Variants in LRP6 observed in about 807,000 individuals in gnomAD.
The protein encoded by LRP6 is LDL receptor related protein 6, also known as low-density lipoprotein receptor-related protein 6.
Under a neutral mutation model 184.1 loss-of-function variants are expected in LRP6, and 43 were observed. That is an observed-to-expected ratio of 0.23 (90% CI 0.18 to 0.30). The LOEUF (loss-of-function observed/expected upper bound fraction) is 0.30. Among genes scored for constraint, LRP6 ranks in the 10% least tolerant of loss-of-function variants. LRP6 has a pLI of 1.00. For missense variants in LRP6, 1,571 were observed against 2,005.3 expected (o/e 0.78, Z 4.14); for synonymous variants, 719 against 684.9 (o/e 1.05, Z -0.78).
chr12:12,213,696 T>C (rs1318753991), intron 2 of LRP6, among the ~76,000 whole-genome samples: 3 of 152,146 alleles, frequency 2.0e-5, no homozygotes, highest in African/African-American at 7.2e-5. Flanking sequence ...AAACTGATTT[T>C]TTCTTTCCTA....
At chr12:12,171,790 T>C (rs1863053664) in intron 7 of LRP6, among the ~76,000 whole-genome samples, 1 of 152,220 alleles carries the variant, frequency 6.6e-6, no homozygotes, top group Non-Finnish European at 1.5e-5. Flanking sequence ...CTCCACTAAG[T>C]ATTTCTCTTG....
In LRP6 at chr12:12,150,826, T is replaced by G; in HGVS notation, c.2994+10A>C. On this transcript the variant is annotated intron_variant, in intron 13 of 22. Transcript: ENST00000261349. ...AGGAGAAATGAATTTTGAACCAAGC[T>G]CTCAATTACCTGGCTGCCATCTTCT... is the stretch of plus-strand genomic sequence containing the variant. 6.2e-7 allele frequency: 1 copy of G among 1,612,968 alleles called. No homozygotes were observed. The highest frequency in any genetic ancestry group is 2.2e-5 in the East Asian group (1 of 44,876).
At chr12:12,152,764 G>C (rs1443365973) in intron 12 of LRP6, among the ~76,000 whole-genome samples, 1 of 152,096 alleles carries the variant, frequency 6.6e-6, no homozygotes, top group Admixed American at 6.6e-5. Context: ...GCCAAGCCAC[G>C]ACTCCTTGCT....
intron 7 of LRP6, among the ~76,000 whole-genome samples, chr12:12,175,906 T>C (rs1328648442): frequency 6.6e-6 from 1 of 151,894 alleles, no homozygotes; most frequent in African/African-American, 2.4e-5. Context: ...ACATTCTTAA[T>C]TTTACACCAT....
intron 7 of LRP6, among the ~76,000 whole-genome samples, chr12:12,176,351 C>T (rs1244295149): frequency 6.6e-6 from 1 of 152,134 alleles, no homozygotes; most frequent in East Asian, 1.9e-4. Flanking sequence ...AGATAGGTGG[C>T]CACTATCACC....
rs112046270 is a variant in LRP6 at position 12,124,496 on chromosome 12, A to G, written c.4547+69T>C. ...GACCATCGTCTACTCATTTGGGGCT[A>G]TATCAGGTCCACAACTGAAACACTT... On this transcript the variant is annotated intron_variant, in intron 22 of 22. Coordinates refer to ENST00000261349, the MANE Select transcript of LRP6 (RefSeq NM_002336.3). 9.1e-4 allele frequency: 983 copies of G among 1,079,962 alleles called. 7 individuals carry two copies. In the African/African-American group the frequency reaches 0.014, roughly 15 times the overall value. 66.9% of individuals were successfully genotyped at this position (1,079,962 alleles called of 1,614,324 possible).
chr12:12,179,389 T>TATAGATATAGATATAGATATAGAC (rs1565607972), intron 7 of LRP6, among the ~76,000 whole-genome samples: 4 of 145,274 alleles, frequency 2.8e-5, no homozygotes, highest in African/African-American at 1.0e-4. Context: ...TAGATATAGA[T>TATAGATATAGATATAGATATAGAC]ATAGATATAG....
At chr12:12,208,885 T>C (rs900567065) in intron 2 of LRP6, among the ~76,000 whole-genome samples, 2 of 152,234 alleles carry the variant, frequency 1.3e-5, no homozygotes, top group Non-Finnish European at 2.9e-5. Context: ...ATATCTTTAA[T>C]ACACAAATCA....
intron 1 of LRP6, among the ~76,000 whole-genome samples, chr12:12,252,241 T>C (rs1346547515): frequency 6.6e-6 from 1 of 152,200 alleles, no homozygotes; most frequent in African/African-American, 2.4e-5. Context: ...AGTATTTTTT[T>C]CCACAGTGGC....
chr12:12,136,495 A>T (rs1949842412), intron 16 of LRP6, among the ~76,000 whole-genome samples: 1 of 152,216 alleles, frequency 6.6e-6, no homozygotes, highest in Non-Finnish European at 1.5e-5. Context: ...AAGTAAAGAA[A>T]CCACTAGGCA....
intron 2 of LRP6, among the ~76,000 whole-genome samples, chr12:12,236,402 T>C (rs1565693318): frequency 6.6e-6 from 1 of 152,194 alleles, no homozygotes; most frequent in Non-Finnish European, 1.5e-5. Flanking sequence ...TCCATACTAA[T>C]TGTATCAGAA....
chr12:12,181,399 C>G lies in LRP6; in HGVS notation c.1017G>C (p.Leu339Phe), dbSNP rs1411463161. The change falls in exon 6 of 23, where the codon TTG becomes TTC. Residue 339 changes from leucine (L) to phenylalanine (F), a missense_variant. Transcript: ENST00000261349. ...ELLLLARRTD[L>F]RRISLDTPDF... ...CTGGTGTATCCAAAGAAATGCGTCTCAAGTCTGTCCTTCGAGCTAAAAGCA... is the reference window on the plus strand; with the variant it reads ...CTGGTGTATCCAAAGAAATGCGTCTGAAGTCTGTCCTTCGAGCTAAAAGCA... 1.4e-6 allele frequency: 2 copies of G among 1,464,396 alleles called. No individual in the cohort carries two copies. Among genetic ancestry groups the G allele is most frequent in the South Asian group, 1.1e-5 (1 of 88,082 alleles). 90.7% of individuals were successfully genotyped at this position (1,464,396 alleles called of 1,614,324 possible). A position where few individuals can be genotyped will look rare whatever the true frequency, so the allele number is the denominator to read the frequency against.
chr12:12,234,380 G>A (rs1864876702), intron 2 of LRP6, among the ~76,000 whole-genome samples: 1 of 152,038 alleles, frequency 6.6e-6, no homozygotes, highest in African/African-American at 2.4e-5. Context: ...GACCCGGAAG[G>A]CGGAGGTTGC....
chr12:12,227,373 A>G (rs1864654980), intron 2 of LRP6, among the ~76,000 whole-genome samples: 1 of 152,090 alleles, frequency 6.6e-6, no homozygotes, highest in Non-Finnish European at 1.5e-5. Context: ...GCATTAGAGA[A>G]GGAATAAGTG....
At position 12,168,547 on chromosome 12, in the gene LRP6, A is replaced by G. The variant is rs1862948505; in HGVS notation, c.1546-3252T>C. The stretch of plus-strand genomic sequence containing the variant: ...CCTATGGCAGGTATTAAATTCCAGG[A>G]TAAGGAGAATTACAGAAAGCAAGAA... On this transcript the variant is annotated intron_variant, in intron 7 of 22. Transcript: ENST00000261349. 3.3e-5 allele frequency among the ~76,000 whole-genome samples: 5 copies of G among 152,348 alleles called. No individual in the cohort carries two copies. In the South Asian group the frequency reaches 1.0e-3, roughly 32 times the overall value.
Position 12,150,926 on chromosome 12 carries a change from C to A in LRP6, c.2904G>T (p.Arg968=). ...TGTCCAGTGGGTCATAGTCAATGGC[C>A]CGGACATTCCGAAGGCTGTGGATGG... ...ILPIHSLRNV[R]AIDYDPLDKQ... Residue 968 remains arginine, a synonymous_variant, in exon 13 of 23, where the codon CGG becomes CGT. Coordinates refer to ENST00000261349, the MANE Select transcript of LRP6 (RefSeq NM_002336.3). The A allele has an allele frequency of 6.2e-7, 1 of 1,614,104 alleles. No individual in the cohort carries two copies. The highest frequency in any genetic ancestry group is 8.5e-7 in the Non-Finnish European group (1 of 1,180,000).
Position 12,203,581 on chromosome 12 carries a change from A to G in LRP6, c.450-181T>C, listed in dbSNP as rs151254848. On this transcript the variant is annotated intron_variant, in intron 2 of 22. Coordinates refer to ENST00000261349, the MANE Select transcript of LRP6 (RefSeq NM_002336.3). ...AGAGATCGAGACCATCCTGGCCAAC[A>G]TGGTAAAAACCCATCTCCACTAAAA... is the stretch of plus-strand genomic sequence containing the variant. Among the ~76,000 whole-genome samples, 391 of 152,308 alleles carry G rather than the reference A, an allele frequency of 2.6e-3. 2 individuals are homozygous for G. Among genetic ancestry groups the G allele is most frequent in the African/African-American group, 9.2e-3 (384 of 41,554 alleles).
chr12:12,181,609 A>G (rs537954336), intron 5 of LRP6, among the ~76,000 whole-genome samples, 170 bp from the exon 6 acceptor site: 66 of 152,252 alleles, frequency 4.3e-4, no homozygotes, highest in Non-Finnish European at 4.3e-4. Flanking sequence ...GTGAAATAGA[A>G]GAGTCTACTC....
intron 7 of LRP6, among the ~76,000 whole-genome samples, chr12:12,176,482 C>T (rs1863186640): frequency 2.0e-5 from 3 of 152,168 alleles, no homozygotes; most frequent in Admixed American, 1.3e-4. Context: ...CGCTCAATCC[C>T]TCCTTCCCGA....
Sources: allele counts gnomAD v4.1 joint callset (sites outside exome capture counted in the v4.1 genomes callset), GRCh38; gene constraint gnomAD v4.1.1; transcripts MANE v1.5; gene names NCBI Gene and HGNC (gene_info 2026-07-23, HGNC 2026-07-21).